Variants in CDH19 observed in about 807,000 individuals in gnomAD.
CDH19 encodes cadherin-19.
CDH19 carries 67 observed loss-of-function variants against 64.2 expected under a neutral mutation model. The observed-to-expected ratio is 1.04, with a 90% CI of 0.86 to 1.28. The LOEUF is 1.28. CDH19 is among the 50% of genes most tolerant of loss of function. The pLI, the probability that CDH19 is intolerant of heterozygous loss-of-function variation, is 0.00. For synonymous variants in CDH19, 346 were observed against 319.3 expected (o/e 1.08, Z -0.89); for missense variants, 1,030 against 929.0 (o/e 1.11, Z -1.41).
intron 1 of CDH19, among the ~76,000 whole-genome samples, chr18:66,584,547 G>A (rs1273864099): frequency 2.6e-5 from 4 of 151,978 alleles, no homozygotes; most frequent in African/African-American, 7.2e-5. Flanking sequence ...CTATCATAAT[G>A]ACACATGCAT....
intron 1 of CDH19, among the ~76,000 whole-genome samples, chr18:66,578,410 TA>T (rs1988327853): frequency 6.6e-6 from 1 of 151,746 alleles, no homozygotes; most frequent in South Asian, 2.1e-4. Flanking sequence ...AAATGCAAAT[TA>T]AAACTACAAT....
intron 4 of CDH19, among the ~76,000 whole-genome samples, chr18:66,553,653 T>C (rs984474286): frequency 1.5e-5 from 2 of 132,860 alleles, no homozygotes; most frequent in Non-Finnish European, 3.1e-5. Flanking sequence ...TCTTGGGTGA[T>C]TAGTTATATA....
chr18:66,527,049 G>A lies in CDH19; in HGVS notation c.1458+2796C>T, dbSNP rs768578631. Among the ~76,000 whole-genome samples, 169 of 84,806 alleles carry A rather than the reference G, an allele frequency of 2.0e-3. 1 individual carries two copies. Among genetic ancestry groups the A allele is most frequent in the African/African-American group, 0.016 (154 of 9,678 alleles). 55.6% of individuals were successfully genotyped at this position (84,806 alleles called of 152,430 possible). On this transcript the variant is annotated intron_variant, in intron 9 of 11. Transcript: ENST00000262150. ...TATATAAATATGTATATATATATAT[G>A]TGTGTGTGTGTGTGTGTGTGTATGT...
At position 66,524,542 on chromosome 18, in the gene CDH19, G is replaced by GTGTATATATATA. The variant is rs74173408; in HGVS notation, c.1458+5302_1458+5303insTATATATATACA. Among the ~76,000 whole-genome samples, 37 of 94,572 alleles carry GTGTATATATATA rather than the reference G, an allele frequency of 3.9e-4. No individual in the cohort carries two copies. In the East Asian group the frequency reaches 0.01, roughly 26 times the overall value. The allele number at this position is 94,572 out of a possible 152,430, so 62.0% of individuals were successfully genotyped here. A position where few individuals can be genotyped will look rare whatever the true frequency, so the allele number is the denominator to read the frequency against. ...ACAATATATGCGTGTATGTTTGTGT[G>GTGTATATATATA]TATATATATATATATATATATATAT... On this transcript the variant is annotated intron_variant, in intron 9 of 11. Coordinates refer to ENST00000262150, the MANE Select transcript of CDH19 (RefSeq NM_021153.4).
In CDH19 at chr18:66,540,302, C is replaced by A. The variant is rs551566740; in HGVS notation, c.1214+3669G>T. Among the ~76,000 whole-genome samples the A allele has an allele frequency of 9.9e-5, 15 of 152,094 alleles. No individual in the cohort carries two copies. The South Asian group carries it at 2.9e-3, about 29-fold the overall frequency. ...TAATACACCATCTTTCTCATACTTA[C>A]AAAATATTTCAAAGTTTGACTTTAG... On this transcript the variant is annotated intron_variant, in intron 7 of 11. Coordinates refer to ENST00000262150, the MANE Select transcript of CDH19 (RefSeq NM_021153.4).
intron 9 of CDH19, among the ~76,000 whole-genome samples, chr18:66,514,792 A>G (rs1326152598): frequency 6.6e-6 from 1 of 151,580 alleles, no homozygotes; most frequent in Non-Finnish European, 1.5e-5. Flanking sequence ...CAGATTAATT[A>G]TCCTGAGCCA....
intron 1 of CDH19, among the ~76,000 whole-genome samples, chr18:66,573,292 A>G (rs903542419): frequency 9.2e-5 from 14 of 151,784 alleles, no homozygotes; most frequent in African/African-American, 3.1e-4. Flanking sequence ...CTTTTTCTAC[A>G]TGATTGTGTT....
rs148022146 is a variant in CDH19 at position 66,541,938 on chromosome 18, A to G, written c.1214+2033T>C. Among the ~76,000 whole-genome samples the G allele has an allele frequency of 5.7e-3, 861 of 152,170 alleles. 13 individuals carry two copies. Among genetic ancestry groups the G allele is most frequent in the African/African-American group, 0.019 (801 of 41,532 alleles). ...ACATGTAGTAAGCATGCAATTCTTC[A>G]TTGTGTATTATTGTGCTTTAAAATG... On this transcript the variant is annotated intron_variant, in intron 7 of 11. Coordinates refer to ENST00000262150, the MANE Select transcript of CDH19 (RefSeq NM_021153.4).
At chr18:66,506,998 T>C (rs1985234170) in intron 11 of CDH19, among the ~76,000 whole-genome samples, 1 of 151,868 alleles carries the variant, frequency 6.6e-6, no homozygotes, top group Non-Finnish European at 1.5e-5. Flanking sequence ...TATAAAACAT[T>C]CAAAGGAAAT....
At chr18:66,556,168 A>G (rs1333670317) in intron 3 of CDH19, among the ~76,000 whole-genome samples, 1 of 151,526 alleles carries the variant, frequency 6.6e-6, no homozygotes, top group African/African-American at 2.4e-5. Context: ...TTTATTATAT[A>G]TATTTAAGGT....
chr18:66,505,498 A>G (rs1985151004), intron 11 of CDH19, among the ~76,000 whole-genome samples, 196 bp from the exon 12 acceptor site: 1 of 149,378 alleles, frequency 6.7e-6, no homozygotes, highest in Non-Finnish European at 1.5e-5. Flanking sequence ...TTTCTGGCTG[A>G]TGACTTAGAG....
chr18:66,509,520 CTTAT>C (rs1364517130), intron 10 of CDH19, among the ~76,000 whole-genome samples: 3 of 151,484 alleles, frequency 2.0e-5, no homozygotes, highest in Non-Finnish European at 4.4e-5. Context: ...GTTGATACTA[CTTAT>C]TTAGTTAAAG....
chr18:66,561,611 GT>G, intron 3 of CDH19, among the ~76,000 whole-genome samples: 1 of 152,210 alleles, frequency 6.6e-6, no homozygotes. Context: ...GGACCGAAGG[GT>G]CCAAAGTTCA....
At chr18:66,540,373 T>C (rs1471331179) in intron 7 of CDH19, among the ~76,000 whole-genome samples, 1 of 152,164 alleles carries the variant, frequency 6.6e-6, no homozygotes, top group Non-Finnish European at 1.5e-5. Context: ...AAGTAAATCA[T>C]ACCCATTGAT....
chr18:66,573,249 T>G (rs1013032262), intron 1 of CDH19, among the ~76,000 whole-genome samples: 1 of 151,708 alleles, frequency 6.6e-6, no homozygotes, highest in Non-Finnish European at 1.5e-5. Context: ...TAATGTCATA[T>G]AATCAACAGA....
intron 3 of CDH19, among the ~76,000 whole-genome samples, chr18:66,567,254 A>G (rs978907110): frequency 2.0e-5 from 3 of 151,738 alleles, no homozygotes; most frequent in African/African-American, 7.2e-5. Flanking sequence ...AAGAAGAAGA[A>G]GCAGTGGCAG....
intron 8 of CDH19, 147 bp from the exon 9 acceptor site, chr18:66,530,113 A>T (rs556344343): frequency 7.1e-4 from 271 of 381,970 alleles, no homozygotes; most frequent in Admixed American, 2.1e-3. Flanking sequence ...TATATGATTC[A>T]CCTACTTATC....
At position 66,520,077 on chromosome 18, in the gene CDH19, C is replaced by T. The variant is rs1323492733; in HGVS notation, c.1459-8392G>A. Among the ~76,000 whole-genome samples, 4 of 151,928 alleles carry T rather than the reference C, an allele frequency of 2.6e-5. No individual in the cohort carries two copies. The East Asian group carries it at 5.8e-4, about 22-fold the overall frequency. ...GCATGCACCTGTAGTCCCAGCTACT[C>T]GGGAGGCTGAGGCAGGAGAATCGCT... On this transcript the variant is annotated intron_variant, in intron 9 of 11. Coordinates refer to ENST00000262150, the MANE Select transcript of CDH19 (RefSeq NM_021153.4).
chr18:66,529,321 A>C (rs1396002651), intron 9 of CDH19, among the ~76,000 whole-genome samples: 1 of 151,226 alleles, frequency 6.6e-6, no homozygotes, highest in Admixed American at 6.6e-5. Context: ...CTTTACCTGC[A>C]TGATGAATAA....
Sources: gnomAD v4.1 joint callset for allele counts (sites outside exome capture counted in the v4.1 genomes callset) on GRCh38, gnomAD v4.1.1 for gene constraint, MANE v1.5 for transcripts, NCBI Gene and HGNC (gene_info 2026-07-23, HGNC 2026-07-21) for gene names.